Variants in CDKL1 observed in about 807,000 individuals in gnomAD.
The protein encoded by CDKL1 is cyclin dependent kinase like 1, also known as cyclin-dependent kinase-like 1.
Under a neutral mutation model 42.0 loss-of-function variants are expected in CDKL1, and 41 were observed. The observed-to-expected ratio is 0.98, with a 90% CI of 0.76 to 1.27. CDKL1 has a LOEUF of 1.27. Among genes scored for constraint, CDKL1 ranks in the 50% most tolerant of loss-of-function variants. CDKL1 has a pLI of 0.00. For missense variants in CDKL1, 394 were observed against 428.4 expected, an observed-to-expected ratio of 0.92 and a Z score of 0.71; for synonymous variants, 153 against 158.6, an observed-to-expected ratio of 0.96 and a Z score of 0.26.
intron 2 of CDKL1, among the ~76,000 whole-genome samples, chr14:50,381,936 C>T (rs1242495481): frequency 6.6e-6 from 1 of 152,050 alleles, no homozygotes; most frequent in East Asian, 1.9e-4. Flanking sequence ...CTGTGCCTGG[C>T]CAGTTTAGAA....
rs983527962 is a variant in CDKL1 at position 50,396,240 on chromosome 14, C to T, written c.-372G>A. ...AAAGAAAGAAAAGAAAAGAAAGGAT[C>T]TTCACATAGTTTGAAAACGTCGCTT... On this transcript the variant is annotated 5_prime_UTR_variant, in exon 2 of 10. Transcript: ENST00000395834. 3.0e-6 allele frequency: 3 copies of T among 991,272 alleles called. No individual in the cohort carries two copies. The highest frequency in any genetic ancestry group is 3.6e-6 in the Non-Finnish European group (3 of 824,804). 61.4% of individuals were successfully genotyped at this position (991,272 alleles called of 1,614,324 possible).
rs11295551 is a variant in CDKL1 at position 50,327,334 on chromosome 14, CA to C, written c.*2739del. On this transcript the variant is annotated 3_prime_UTR_variant, in exon 10 of 10. Coordinates refer to ENST00000395834, the MANE Select transcript of CDKL1 (RefSeq NM_004196.7). ...TGGGCAACAGATTAAGACCCTGTCTCAAAAAAAAAAAAAAAAGTGAAAAATA... is the reference window on the plus strand; with the variant it reads ...TGGGCAACAGATTAAGACCCTGTCTCAAAAAAAAAAAAAAAGTGAAAAATA... 0.58 allele frequency: 72,923 copies of C among 124,884 alleles called. 18,913 individuals carry two copies. The highest frequency in any genetic ancestry group is 0.65 in the Middle Eastern group (146 of 226). The allele number at this position is 124,884 out of a possible 1,614,324, so 7.7% of individuals were successfully genotyped here.
At position 50,346,652 on chromosome 14, in the gene CDKL1, G is replaced by GTTT. The variant is rs796264788; in HGVS notation, c.291-1597_291-1595dup. ...GATTATTCAATAAATTAAATTTTTG[G>GTTT]TTTTTTTTTTTTTTTTGAGATGGAG... is the stretch of plus-strand genomic sequence containing the variant. On this transcript the variant is annotated intron_variant, in intron 3 of 9. Coordinates refer to ENST00000395834, the MANE Select transcript of CDKL1 (RefSeq NM_004196.7). Among the ~76,000 whole-genome samples the GTTT allele has an allele frequency of 4.7e-3, 663 of 141,974 alleles. 13 individuals carry two copies. Among genetic ancestry groups the GTTT allele is most frequent in the Middle Eastern group, 0.047 (12 of 258 alleles). 93.1% of individuals were successfully genotyped at this position (141,974 alleles called of 152,430 possible).
intron 7 of CDKL1, chr14:50,335,814 G>T (rs2033238242): frequency 1.0e-6 from 1 of 985,078 alleles, no homozygotes; most frequent in Non-Finnish European, 1.2e-6. Flanking sequence ...TATTATTTTG[G>T]ACAGGCAACC....
At chr14:50,351,734 C>CA (rs1199112239) in intron 3 of CDKL1, among the ~76,000 whole-genome samples, 1,540 of 62,694 alleles carry the variant, frequency 0.025, 14 homozygotes, top group African/African-American at 0.042. Context: ...GGCCTTGTCT[C>CA]AAAAAAAAAA....
chr14:50,334,938 TG>T (rs1004772440), intron 7 of CDKL1: 9 of 224,208 alleles, frequency 4.0e-5, no homozygotes, highest in East Asian at 1.1e-4. Flanking sequence ...TTTGAGGGGG[TG>T]GGGGGGCTCA....
At position 50,396,762 on chromosome 14, in the gene CDKL1, A is replaced by G. The variant is rs11570781; in HGVS notation, c.-462+62T>C. 1,191 of 157,974 alleles carry G rather than the reference A, an allele frequency of 7.5e-3. 10 individuals are homozygous for G. The highest frequency in any genetic ancestry group is 0.027 in the African/African-American group (1,114 of 41,562). The allele number at this position is 157,974 out of a possible 1,614,324, so 9.8% of individuals were successfully genotyped here. A position where few individuals can be genotyped will look rare whatever the true frequency, so the allele number is the denominator to read the frequency against. On this transcript the variant is annotated intron_variant, in intron 1 of 9. Transcript: ENST00000395834. ...GTGCACCTCAGCCGCGCCGCGCAGC[A>G]TGGAGCGGTGCCACGTGTTGGCCAG...
At chr14:50,352,105 T>TA (rs1275920113) in intron 3 of CDKL1, among the ~76,000 whole-genome samples, 54 of 152,310 alleles carry the variant, frequency 3.5e-4, no homozygotes, top group African/African-American at 1.3e-3. Flanking sequence ...AAGGATTTTT[T>TA]ACCTAAATTC....
At chr14:50,374,904 AG>A (rs1237453454) in intron 2 of CDKL1, among the ~76,000 whole-genome samples, 2 of 152,188 alleles carry the variant, frequency 1.3e-5, no homozygotes, top group Non-Finnish European at 2.9e-5. Context: ...ATATGGACAC[AG>A]GGAGGGGAAC....
chr14:50,343,698 C>T (rs947474487), intron 4 of CDKL1, among the ~76,000 whole-genome samples: 2 of 152,136 alleles, frequency 1.3e-5, no homozygotes, highest in South Asian at 4.1e-4. Context: ...CTCCAGGGAA[C>T]TGTGGTATGC....
At chr14:50,382,747 C>A (rs1295024959) in intron 2 of CDKL1, among the ~76,000 whole-genome samples, 1 of 147,760 alleles carries the variant, frequency 6.8e-6, no homozygotes, top group African/African-American at 2.5e-5. Flanking sequence ...GTGCACACCA[C>A]CACACCTGGG....
At chr14:50,384,676 ATCTT>A (rs1481366973) in intron 2 of CDKL1, among the ~76,000 whole-genome samples, 2 of 138,386 alleles carry the variant, frequency 1.4e-5, no homozygotes, top group African/African-American at 5.8e-5. Context: ...GGGGAAGAAA[ATCTT>A]TCTTTTTTTT....
intron 2 of CDKL1, among the ~76,000 whole-genome samples, chr14:50,382,218 C>T (rs1209873585): frequency 2.0e-5 from 3 of 152,068 alleles, no homozygotes; most frequent in African/African-American, 7.2e-5. Flanking sequence ...TGTGGGAGGC[C>T]GAGGCAGGCG....
In CDKL1 at chr14:50,326,537, A is replaced by G. The variant is rs370472521; in HGVS notation, c.*3537T>C. On this transcript the variant is annotated 3_prime_UTR_variant, in exon 10 of 10. Transcript: ENST00000395834. ...TCAACAGGATTTGCGTGCATTTCCCATGATCCTGCATTCTTGTGTTCTTGA... is the reference window on the plus strand; with the variant it reads ...TCAACAGGATTTGCGTGCATTTCCCGTGATCCTGCATTCTTGTGTTCTTGA... 2 of 985,456 alleles carry G rather than the reference A, an allele frequency of 2.0e-6. No homozygotes were observed. The allele number at this position is 985,456 out of a possible 1,614,324, so 61.0% of individuals were successfully genotyped here.
chr14:50,370,479 T>G (rs1212666507), intron 2 of CDKL1, among the ~76,000 whole-genome samples: 1 of 152,202 alleles, frequency 6.6e-6, no homozygotes, highest in Non-Finnish European at 1.5e-5. Context: ...TTTTGTACCC[T>G]TCAACCATCA....
At chr14:50,341,436 C>T (rs1384529481) in intron 5 of CDKL1, among the ~76,000 whole-genome samples, 1 of 117,376 alleles carries the variant, frequency 8.5e-6, no homozygotes, top group Non-Finnish European at 1.6e-5. Flanking sequence ...CCAATTAAAA[C>T]AGAATCCCTG....
rs11570835 is a variant in CDKL1 at position 50,342,381 on chromosome 14, A to T, written c.364-159T>A. ...AGCAGCCTAAAATAAATCTAGTACC[A>T]TGCCTGTCAGAGCCTGAATCATCCC... On this transcript the variant is annotated intron_variant, in intron 4 of 9. Coordinates refer to ENST00000395834, the MANE Select transcript of CDKL1 (RefSeq NM_004196.7). The T allele has an allele frequency of 1.1e-5, 15 of 1,403,310 alleles. No individual in the cohort carries two copies. The African/African-American group carries it at 2.0e-4, about 19-fold the overall frequency. 86.9% of individuals were successfully genotyped at this position (1,403,310 alleles called of 1,614,324 possible).
chr14:50,330,258 G>C, intron 9 of CDKL1, 77 bp from the exon 10 acceptor site: 1 of 1,520,282 alleles, frequency 6.6e-7, no homozygotes, highest in Non-Finnish European at 8.7e-7. Context: ...TATCACAAAA[G>C]AGGTAATTAA....
intron 2 of CDKL1, among the ~76,000 whole-genome samples, chr14:50,362,620 C>G (rs527329898): frequency 8.3e-4 from 126 of 152,136 alleles, no homozygotes; most frequent in Admixed American, 1.9e-3. Context: ...ATGCACCAAT[C>G]GACACTCTGT....
Sources: allele counts gnomAD v4.1 joint callset (sites outside exome capture counted in the v4.1 genomes callset), GRCh38; gene constraint gnomAD v4.1.1; transcripts MANE v1.5; gene names NCBI Gene and HGNC (gene_info 2026-07-23, HGNC 2026-07-21).